PCDH15: variants seen among roughly 807,000 people sequenced by gnomAD.
The protein encoded by PCDH15 is protocadherin-15.
PCDH15 carries 129 observed loss-of-function variants against 178.5 expected under a neutral mutation model. The observed-to-expected ratio is 0.72, with a 90% CI of 0.63 to 0.84. The LOEUF (loss-of-function observed/expected upper bound fraction) is 0.84, where lower values mean the gene tolerates loss of function less well. Ranked by LOEUF, PCDH15 falls within the 40% of genes least tolerant of loss-of-function variation. PCDH15 has a pLI of 0.00. For synonymous variants in PCDH15, 800 were observed against 732.0 expected, an observed-to-expected ratio of 1.09 and a Z score of -1.50; for missense variants, 2,230 against 2,099.9, an observed-to-expected ratio of 1.06 and a Z score of -1.21.
intron 20 of PCDH15, among the ~76,000 whole-genome samples, chr10:54,001,518 T>C (rs1267904434): frequency 6.6e-6 from 1 of 152,082 alleles, no homozygotes; most frequent in African/African-American, 2.4e-5. Flanking sequence ...TAAAGGGTTG[T>C]ATGATAGTAT....
At chr10:54,107,427 A>G (rs1466648426) in intron 15 of PCDH15, among the ~76,000 whole-genome samples, 3 of 152,300 alleles carry the variant, frequency 2.0e-5, no homozygotes, top group Non-Finnish European at 4.4e-5. Flanking sequence ...TCTGGTAGAG[A>G]GAATCAGAAC....
chr10:55,055,916 A>G (rs1841287407), intron 2 of PCDH15, among the ~76,000 whole-genome samples: 1 of 152,220 alleles, frequency 6.6e-6, no homozygotes, highest in South Asian at 2.1e-4. Flanking sequence ...CAATCTAAAG[A>G]AAACCATTTC....
At chr10:54,009,869 C>T (rs2135140165) in intron 20 of PCDH15, among the ~76,000 whole-genome samples, 1 of 152,204 alleles carries the variant, frequency 6.6e-6, no homozygotes, top group African/African-American at 2.4e-5. Context: ...TTGGCAGAGC[C>T]ATACTCAGGC....
At chr10:54,955,587 A>C (rs1203913221) in intron 2 of PCDH15, among the ~76,000 whole-genome samples, 2 of 151,418 alleles carry the variant, frequency 1.3e-5, no homozygotes, top group East Asian at 3.9e-4. Context: ...TAATTCTTGA[A>C]CTGTTTATAG....
rs143538460 is a variant in PCDH15 at position 53,827,546 on chromosome 10, C to A, written c.4214G>T (p.Arg1405Leu). The change falls in exon 32 of 38, where the codon CGT becomes CTT. Residue 1405 changes from arginine to leucine, a missense_variant and splice_region_variant. By Grantham distance (102) the Arg-to-Leu change is moderately radical. Transcript: ENST00000644397. ...TGCAGTCTTTGTACACTCAGCTTGACGTCTTGGATAAAGTAAGGATGGCTT... is the reference window on the plus strand; with the variant it reads ...TGCAGTCTTTGTACACTCAGCTTGAAGTCTTGGATAAAGTAAGGATGGCTT... The part of the protein sequence containing the change: ...VLVSYRQFKV[R>L]QAECTKTARI... The A allele has an allele frequency of 1.9e-6, 3 of 1,614,098 alleles. No homozygotes were observed. The East Asian group carries it at 6.7e-5, about 36-fold the overall frequency.
At chr10:53,906,257 CT>C (rs138230241) in intron 25 of PCDH15, among the ~76,000 whole-genome samples, 8 of 150,510 alleles carry the variant, frequency 5.3e-5, no homozygotes, top group African/African-American at 9.7e-5. Flanking sequence ...ACTAGTCTTC[CT>C]TTTTTTTTGC....
At chr10:54,796,718 T>C (rs1952055260) in intron 1 of PCDH15, among the ~76,000 whole-genome samples, 1 of 151,960 alleles carries the variant, frequency 6.6e-6, no homozygotes, top group Non-Finnish European at 1.5e-5. Flanking sequence ...TTTGTGTGAC[T>C]ATCCCTGTAT....
chr10:54,002,799 G>A (rs1209616094), intron 20 of PCDH15, among the ~76,000 whole-genome samples: 4 of 151,994 alleles, frequency 2.6e-5, no homozygotes, highest in African/African-American at 7.3e-5. Context: ...CCACTCCAAG[G>A]GAGGATTGAA....
At chr10:54,634,429 T>G (rs141260683) in intron 2 of PCDH15, among the ~76,000 whole-genome samples, 59 of 152,208 alleles carry the variant, frequency 3.9e-4, no homozygotes, top group African/African-American at 1.1e-3. Context: ...AAAAACTGAA[T>G]AATATTTTAT....
intron 1 of PCDH15, among the ~76,000 whole-genome samples, chr10:55,265,982 G>A (rs995108546): frequency 5.9e-5 from 9 of 152,056 alleles, no homozygotes; most frequent in African/African-American, 1.2e-4. Flanking sequence ...CAAACAGGGT[G>A]CACCTATTAA....
chr10:54,790,503 T>C (rs1951305287), intron 1 of PCDH15, among the ~76,000 whole-genome samples: 1 of 151,776 alleles, frequency 6.6e-6, no homozygotes, highest in African/African-American at 2.4e-5. Flanking sequence ...CCACATCCCA[T>C]CCTATCTTGA....
At chr10:55,499,404 T>TACACACACACAC (rs200878607) in intron 2 of PCDH15, among the ~76,000 whole-genome samples, 1 of 136,314 alleles carries the variant, frequency 7.3e-6, no homozygotes, top group Non-Finnish European at 1.6e-5. Flanking sequence ...AGACTCTCCC[T>TACACACACACAC]ACACACACAC....
chr10:54,657,441 G>T (rs753430563), intron 2 of PCDH15, among the ~76,000 whole-genome samples: 1 of 152,170 alleles, frequency 6.6e-6, no homozygotes, highest in African/African-American at 2.4e-5. Context: ...GGACTGGAGA[G>T]TAAAATAGAA....
chr10:54,856,609 T>C (rs1271462403), intron 3 of PCDH15, among the ~76,000 whole-genome samples: 1 of 152,214 alleles, frequency 6.6e-6, no homozygotes, highest in Non-Finnish European at 1.5e-5. Flanking sequence ...TGATATTTAC[T>C]GATCTCTATG....
intron 2 of PCDH15, among the ~76,000 whole-genome samples, chr10:55,407,731 T>C (rs758749837): frequency 7.5e-4 from 114 of 152,170 alleles, no homozygotes; most frequent in Non-Finnish European, 1.3e-3. Context: ...CAAGCATGTG[T>C]ACTGATTACT....
rs374622326 is a variant in PCDH15 at position 53,961,733 on chromosome 10, A to T, written c.3009+19T>A. On this transcript the variant is annotated intron_variant, in intron 22 of 37. Coordinates refer to ENST00000644397, the MANE Select transcript of PCDH15 (RefSeq NM_001384140.1). ...AAATTAAACATCAAATAGACCACAT[A>T]ATGAAAAGAGACACTGACCTTAAAA... 2 of 1,587,946 alleles carry T rather than the reference A, an allele frequency of 1.3e-6. No individual in the cohort carries two copies. Among genetic ancestry groups the T allele is most frequent in the Non-Finnish European group, 1.7e-6 (2 of 1,165,478 alleles).
At chr10:53,829,861 C>T (rs955303660) in intron 30 of PCDH15, among the ~76,000 whole-genome samples, 1 of 152,082 alleles carries the variant, frequency 6.6e-6, no homozygotes, top group African/African-American at 2.4e-5. Flanking sequence ...ATTCATGATA[C>T]TTTTTTTCAT....
At chr10:54,271,389 TA>T (rs2058040498) in intron 8 of PCDH15, among the ~76,000 whole-genome samples, 1 of 152,030 alleles carries the variant, frequency 6.6e-6, no homozygotes, top group Non-Finnish European at 1.5e-5. Flanking sequence ...TTTTGTACTT[TA>T]TTAGAGACAG....
At position 55,076,764 on chromosome 10, in the gene PCDH15, C is replaced by CTTTTTTT. The variant is rs902966495; in HGVS notation, c.-80+89805_-80+89811dup. On this transcript the variant is annotated intron_variant, in intron 2 of 5. Transcript: ENST00000458638. The stretch of plus-strand genomic sequence containing the variant: ...TGAGCCATCATGTGTGGCCTGTGAC[C>CTTTTTTT]TTTTTTTTTTTTTTTTTTTTTTTGA... Among the ~76,000 whole-genome samples the CTTTTTTT allele has an allele frequency of 5.6e-5, 6 of 106,782 alleles. 1 individual carries two copies. Among genetic ancestry groups the CTTTTTTT allele is most frequent in the South Asian group, 3.2e-4 (1 of 3,142 alleles). 70.1% of individuals were successfully genotyped at this position (106,782 alleles called of 152,430 possible). A position where few individuals can be genotyped will look rare whatever the true frequency, so the allele number is the denominator to read the frequency against.
Sources: allele counts gnomAD v4.1 joint callset (sites outside exome capture counted in the v4.1 genomes callset), GRCh38; gene constraint gnomAD v4.1.1; transcripts MANE v1.5; gene names NCBI Gene and HGNC (gene_info 2026-07-23, HGNC 2026-07-21).